Variants in KAZN observed in about 807,000 individuals in gnomAD.
KAZN encodes the protein kazrin.
A neutral mutation model predicts 87.4 loss-of-function variants in KAZN; 40 were observed. The observed-to-expected ratio is 0.46, with a 90% CI of 0.36 to 0.60. The LOEUF is 0.60. KAZN is among the 20% of genes least tolerant of loss of function. The probability of loss-of-function intolerance (pLI) is 0.00; values close to 1 mark genes in which losing one functional copy is unlikely to be tolerated. For missense variants in KAZN, 898 were observed against 1,073.9 expected (o/e 0.84, Z 2.29); for synonymous variants, 466 against 458.3 (o/e 1.02, Z -0.22).
At chr1:14,625,601 A>G (rs1483643019) in intron 1 of KAZN, among the ~76,000 whole-genome samples, 1 of 152,198 alleles carries the variant, frequency 6.6e-6, no homozygotes, top group East Asian at 1.9e-4. Context: ...CTTTAAGACT[A>G]TTTTGACAAG....
At chr1:14,841,436 A>G (rs1239076241) in intron 1 of KAZN, among the ~76,000 whole-genome samples, 4 of 137,848 alleles carry the variant, frequency 2.9e-5, no homozygotes, top group Non-Finnish European at 4.7e-5. Flanking sequence ...AAAAAAAAAA[A>G]AAAAAGAAAT....
chr1:14,641,019 G>A (rs540727526), intron 1 of KAZN, among the ~76,000 whole-genome samples: 71 of 152,296 alleles, frequency 4.7e-4, no homozygotes, highest in Non-Finnish European at 7.9e-4. Context: ...CCATGAATGC[G>A]TATCCCCAGA....
intron 2 of KAZN, among the ~76,000 whole-genome samples, chr1:14,344,163 C>CTTTTTTTTTT (rs55837460): frequency 8.2e-6 from 1 of 122,636 alleles, no homozygotes; most frequent in Non-Finnish European, 1.7e-5. Context: ...TTCATGTATT[C>CTTTTTTTTTT]TTTTTTTTTT....
intron 1 of KAZN, among the ~76,000 whole-genome samples, chr1:13,903,944 G>A (rs1639341529): frequency 6.6e-6 from 1 of 152,198 alleles, no homozygotes; most frequent in South Asian, 2.1e-4. Flanking sequence ...CCAGTCAGGA[G>A]CACCAGAAGC....
rs1184271834 is a variant in KAZN at position 14,418,668 on chromosome 1, A to G, written c.250-180315A>G. Among the ~76,000 whole-genome samples, 5 of 152,202 alleles carry G rather than the reference A, an allele frequency of 3.3e-5. 1 individual carries two copies. The highest frequency in any genetic ancestry group is 3.3e-4 in the Admixed American group (5 of 15,280). On this transcript the variant is annotated intron_variant, in intron 2 of 16. Coordinates refer to the KAZN transcript ENST00000636203. ...GGCAAGGCATTTTTCAGGAGATCCA[A>G]TGCTTGTCTTCTAACTGTATACTCC...
intron 1 of KAZN, among the ~76,000 whole-genome samples, chr1:14,636,992 G>T (rs1680039623): frequency 6.6e-6 from 1 of 152,172 alleles, no homozygotes; most frequent in African/African-American, 2.4e-5. Flanking sequence ...TAATTTCCAA[G>T]GAGACCTCTG....
chr1:14,040,083 G>GTA (rs1641740604), intron 1 of KAZN, among the ~76,000 whole-genome samples: 1 of 144,168 alleles, frequency 6.9e-6, no homozygotes, highest in Non-Finnish European at 1.6e-5. Context: ...GTGTGCACGT[G>GTA]TGTGTGTGAG....
chr1:14,986,002 C>CAAAAAA lies in KAZN; in HGVS notation c.418+25144_418+25149dup, dbSNP rs56725513. On this transcript the variant is annotated intron_variant, in intron 2 of 14. Transcript: ENST00000376030. The stretch of plus-strand genomic sequence containing the variant: ...TGGGCGACAGAGCCAGACTCTGTCT[C>CAAAAAA]AAAAAAAAAAAAAAAAAAAAAAGGA... Among the ~76,000 whole-genome samples the CAAAAAA allele has an allele frequency of 3.7e-3, 210 of 56,522 alleles. 2 individuals are homozygous for CAAAAAA. The highest frequency in any genetic ancestry group is 6.0e-3 in the South Asian group (8 of 1,330). The allele number at this position is 56,522 out of a possible 152,430, so 37.1% of individuals were successfully genotyped here.
intron 2 of KAZN, among the ~76,000 whole-genome samples, chr1:14,534,136 T>A (rs1571880330): frequency 6.6e-6 from 1 of 152,132 alleles, no homozygotes; most frequent in African/African-American, 2.4e-5. Flanking sequence ...AACCCCACTC[T>A]CCCATCCTGA....
At position 14,687,400 on chromosome 1, in the gene KAZN, G is replaced by A. The variant is rs1371834755; in HGVS notation, c.226+88177G>A. On this transcript the variant is annotated intron_variant, in intron 1 of 14. Transcript: ENST00000376030. Reference sequence around the variant, plus strand: ...TCAGAGAACTGGAGGAGCCCAGAGAGGGGACAGCTTCTGCGGCTCCAAGGG... The same window carrying A: ...TCAGAGAACTGGAGGAGCCCAGAGAAGGGACAGCTTCTGCGGCTCCAAGGG... 2.0e-5 allele frequency among the ~76,000 whole-genome samples: 3 copies of A among 151,756 alleles called. No homozygotes were observed. The East Asian group carries it at 5.8e-4, about 29-fold the overall frequency.
chr1:14,138,621 G>T (rs1645161766), intron 1 of KAZN, among the ~76,000 whole-genome samples: 1 of 152,170 alleles, frequency 6.6e-6, no homozygotes, highest in Non-Finnish European at 1.5e-5. Flanking sequence ...TGCTAGGAAT[G>T]CAGAAGTGGG....
intron 2 of KAZN, among the ~76,000 whole-genome samples, chr1:14,540,555 C>G (rs1672750435): frequency 6.6e-6 from 1 of 152,134 alleles, no homozygotes; most frequent in Non-Finnish European, 1.5e-5. Context: ...TCCAGTGCAG[C>G]CCACTCTTCT....
At chr1:14,956,156 G>A (rs1344469960) in intron 1 of KAZN, among the ~76,000 whole-genome samples, 1 of 152,152 alleles carries the variant, frequency 6.6e-6, no homozygotes, top group Non-Finnish European at 1.5e-5. Context: ...GAAGTGACAC[G>A]AGGCTTATGC....
At chr1:14,866,026 C>T (rs527819202) in intron 1 of KAZN, among the ~76,000 whole-genome samples, 5 of 152,324 alleles carry the variant, frequency 3.3e-5, no homozygotes, top group Middle Eastern at 3.4e-3. Context: ...CAAGATGATA[C>T]ATTTCCGTTG....
Position 15,034,780 on chromosome 1 carries a change from C to T in KAZN, c.450C>T (p.Gly150=), listed in dbSNP as rs568367983. 1.0e-4 allele frequency: 168 copies of T among 1,614,106 alleles called. 2 individuals carry two copies. In the South Asian group the frequency reaches 1.3e-3, roughly 13 times the overall value. Residue 150 remains glycine (G), a synonymous_variant, in exon 3 of 15, where the codon GGC becomes GGT. Transcript: ENST00000376030. ...AMKADRKRLK[G]EKTDLVSQMQ... ...AAGCTGATCGGAAGCGCTTAAAGGG[C>T]GAGAAGACAGACCTGGTGAGCCAGA...
chr1:13,995,710 C>T lies in KAZN; in HGVS notation c.91+101954C>T, dbSNP rs530244366. 2.1e-3 allele frequency among the ~76,000 whole-genome samples: 321 copies of T among 152,298 alleles called. 2 individuals are homozygous for T. The highest frequency in any genetic ancestry group is 2.8e-3 in the Non-Finnish European group (192 of 68,020). On this transcript the variant is annotated intron_variant, in intron 1 of 16. Transcript: ENST00000636203. ...AGCCTCTCAGCCTACATCTTTCTCCCGTGTTGGATGCTTCTTGCTCTTGAA... is the reference window on the plus strand; with the variant it reads ...AGCCTCTCAGCCTACATCTTTCTCCTGTGTTGGATGCTTCTTGCTCTTGAA...
intron 2 of KAZN, among the ~76,000 whole-genome samples, chr1:14,350,400 A>C (rs1027294749): frequency 2.6e-5 from 4 of 152,232 alleles, no homozygotes; most frequent in Admixed American, 2.6e-4. Flanking sequence ...AGTGCTCGGC[A>C]CAGAGCCTGG....
At chr1:13,910,180 G>A (rs1245359612) in intron 1 of KAZN, among the ~76,000 whole-genome samples, 5 of 152,128 alleles carry the variant, frequency 3.3e-5, no homozygotes, top group African/African-American at 7.2e-5. Flanking sequence ...CTGCTGCGGC[G>A]ATAGTGAGTT....
intron 1 of KAZN, among the ~76,000 whole-genome samples, chr1:14,796,575 C>G (rs906230084): frequency 1.7e-4 from 26 of 152,318 alleles, no homozygotes; most frequent in African/African-American, 6.3e-4. Context: ...CTCCAGGATG[C>G]GTTTCTGTTA....
Sources: allele counts gnomAD v4.1 joint callset (sites outside exome capture counted in the v4.1 genomes callset), GRCh38; gene constraint gnomAD v4.1.1; transcripts MANE v1.5; gene names NCBI Gene and HGNC (gene_info 2026-07-23, HGNC 2026-07-21).